Variants in STAG1 observed in about 807,000 individuals in gnomAD.
STAG1 encodes STAG1 cohesin complex component, also known as cohesin subunit SA-1.
Under a neutral mutation model 170.9 loss-of-function variants are expected in STAG1, and 26 were observed. That is an observed-to-expected ratio of 0.15 (90% CI 0.11 to 0.21). The LOEUF (loss-of-function observed/expected upper bound fraction) is 0.21, where lower values mean the gene tolerates loss of function less well. Among genes scored for constraint, STAG1 ranks in the 10% least tolerant of loss-of-function variants. The probability of loss-of-function intolerance (pLI) is 1.00; values close to 1 mark genes in which losing one functional copy is unlikely to be tolerated. For synonymous variants in STAG1, 514 were observed against 497.7 expected (o/e 1.03, Z -0.44); for missense variants, 964 against 1,509.5 (o/e 0.64, Z 5.99).
At chr3:136,458,170 G>C (rs1461596068) in intron 13 of STAG1, among the ~76,000 whole-genome samples, 1 of 150,992 alleles carries the variant, frequency 6.6e-6, no homozygotes, top group African/African-American at 2.4e-5. Flanking sequence ...TGTTTGTTTT[G>C]TTTTGAGAGT....
chr3:136,686,068 C>A (rs1400115354), intron 1 of STAG1, among the ~76,000 whole-genome samples: 3 of 152,072 alleles, frequency 2.0e-5, no homozygotes, highest in African/African-American at 7.2e-5. Flanking sequence ...CAGAGTAAGG[C>A]AGGTGGTTTT....
At chr3:136,652,614 T>C (rs1445511752) in intron 1 of STAG1, among the ~76,000 whole-genome samples, 4 of 152,164 alleles carry the variant, frequency 2.6e-5, no homozygotes, top group Non-Finnish European at 4.4e-5. Context: ...GACCAGATCA[T>C]CTACAAAGAA....
At chr3:136,467,135 C>T (rs1452481266) in intron 12 of STAG1, among the ~76,000 whole-genome samples, 2 of 152,134 alleles carry the variant, frequency 1.3e-5, no homozygotes, top group Non-Finnish European at 2.9e-5. Context: ...AACGTAACGA[C>T]AGGATCAAAT....
At chr3:136,424,702 T>C (rs2088063051) in intron 16 of STAG1, among the ~76,000 whole-genome samples, 1 of 152,082 alleles carries the variant, frequency 6.6e-6, no homozygotes, top group South Asian at 2.1e-4. Flanking sequence ...TCTGAGGGGA[T>C]AACAAAAATG....
chr3:136,563,830 T>C (rs1936945306), intron 5 of STAG1, among the ~76,000 whole-genome samples: 1 of 151,936 alleles, frequency 6.6e-6, no homozygotes, highest in Non-Finnish European at 1.5e-5. Flanking sequence ...ACCAGCCTGA[T>C]CAACACGGTG....
At chr3:136,517,262 T>G (rs779792046) in intron 7 of STAG1, among the ~76,000 whole-genome samples, 1 of 152,162 alleles carries the variant, frequency 6.6e-6, no homozygotes, top group Non-Finnish European at 1.5e-5. Flanking sequence ...AAAAAGAGAA[T>G]AGAAACAATC....
intron 6 of STAG1, among the ~76,000 whole-genome samples, chr3:136,525,311 G>A (rs1934950054): frequency 6.6e-6 from 1 of 152,030 alleles, no homozygotes; most frequent in African/African-American, 2.4e-5. Context: ...ACTTCTTCCT[G>A]GTTTAGTCTT....
intron 22 of STAG1, among the ~76,000 whole-genome samples, chr3:136,398,048 G>A (rs2087218233): frequency 6.6e-6 from 1 of 151,942 alleles, no homozygotes; most frequent in Admixed American, 6.6e-5. Flanking sequence ...CTGGGTTCAA[G>A]CGATTCTCCT....
In STAG1 at chr3:136,629,401, A is replaced by G. The variant is rs561225784; in HGVS notation, c.29+1469T>C. Among the ~76,000 whole-genome samples, 51 of 152,246 alleles carry G rather than the reference A, an allele frequency of 3.3e-4. 1 individual carries two copies. Among genetic ancestry groups the G allele is most frequent in the African/African-American group, 1.0e-3 (43 of 41,526 alleles). Reference sequence around the variant, plus strand: ...CTTGGCCAGGTAAGGGCAGAAGTGTATAAGTACAAAGAAAAGAAAGAAAAT... The same window carrying G: ...CTTGGCCAGGTAAGGGCAGAAGTGTGTAAGTACAAAGAAAAGAAAGAAAAT... On this transcript the variant is annotated intron_variant, in intron 2 of 33. Coordinates refer to ENST00000383202, the MANE Select transcript of STAG1 (RefSeq NM_005862.3).
intron 4 of STAG1, among the ~76,000 whole-genome samples, chr3:136,582,673 C>T (rs1185915539): frequency 6.6e-6 from 1 of 152,128 alleles, no homozygotes; most frequent in Admixed American, 6.6e-5. Flanking sequence ...GTGGTGCGTG[C>T]CTGTAGTCCC....
intron 4 of STAG1, among the ~76,000 whole-genome samples, chr3:136,601,305 A>C (rs1249350572): frequency 6.6e-6 from 1 of 152,220 alleles, no homozygotes; most frequent in African/African-American, 2.4e-5. Flanking sequence ...ATGTGCCCAA[A>C]AGACTGCCAC....
chr3:136,506,106 G>A (rs1933746854), intron 7 of STAG1, among the ~76,000 whole-genome samples: 1 of 152,206 alleles, frequency 6.6e-6, no homozygotes, highest in Non-Finnish European at 1.5e-5. Context: ...GTGGAGTGAT[G>A]TGAAACAGTC....
At chr3:136,410,846 T>C (rs2087605796) in intron 21 of STAG1, among the ~76,000 whole-genome samples, 2 of 152,008 alleles carry the variant, frequency 1.3e-5, no homozygotes, top group Non-Finnish European at 1.5e-5. Context: ...CGGTGGCACA[T>C]GCCTGTCATC....
chr3:136,568,723 C>A (rs1937164948), intron 5 of STAG1, 42 bp downstream of exon 5: 2 of 1,431,596 alleles, frequency 1.4e-6, no homozygotes, highest in Non-Finnish European at 2.0e-6. Context: ...CACTGCTGGA[C>A]TGACAGGCTC....
chr3:136,647,324 A>G (rs1941063825), intron 1 of STAG1, among the ~76,000 whole-genome samples: 1 of 152,174 alleles, frequency 6.6e-6, no homozygotes, highest in Admixed American at 6.5e-5. Flanking sequence ...TAATCCCAGC[A>G]CTTTGGGAGG....
chr3:136,744,243 C>T (rs1934820802), intron 1 of STAG1, among the ~76,000 whole-genome samples: 1 of 152,198 alleles, frequency 6.6e-6, no homozygotes. Context: ...CGGAGAATTG[C>T]TTGAACTGGG....
At chr3:136,605,561 T>C (rs1938892361) in intron 3 of STAG1, among the ~76,000 whole-genome samples, 1 of 152,202 alleles carries the variant, frequency 6.6e-6, no homozygotes. Context: ...TTCCCCTCCC[T>C]GTATTTCTTA....
chr3:136,605,036 C>T (rs1257805718), intron 3 of STAG1, among the ~76,000 whole-genome samples: 3 of 152,216 alleles, frequency 2.0e-5, no homozygotes, highest in Non-Finnish European at 2.9e-5. Context: ...ACATTTCCTT[C>T]TGCATACATT....
At chr3:136,723,341 G>A (rs1186174828) in intron 1 of STAG1, among the ~76,000 whole-genome samples, 12 of 148,518 alleles carry the variant, frequency 8.1e-5, no homozygotes, top group Admixed American at 4.7e-4. Flanking sequence ...CCTCTGCCCC[G>A]CCGCCCCGTC....
Sources: gnomAD v4.1 joint callset for allele counts (sites outside exome capture counted in the v4.1 genomes callset) on GRCh38, gnomAD v4.1.1 for gene constraint, MANE v1.5 for transcripts, NCBI Gene and HGNC (gene_info 2026-07-23, HGNC 2026-07-21) for gene names.